Variants in NPTXR observed in about 807,000 individuals in gnomAD.
NPTXR encodes the protein neuronal pentraxin receptor.
A neutral mutation model predicts 32.2 loss-of-function variants in NPTXR; 12 were observed. The observed-to-expected ratio is 0.37, with a 90% CI of 0.24 to 0.60. NPTXR has a LOEUF of 0.60. Ranked by LOEUF, NPTXR falls within the 20% of genes least tolerant of loss-of-function variation. The pLI, the probability that NPTXR is intolerant of heterozygous loss-of-function variation, is 0.66. For synonymous variants in NPTXR, 323 were observed against 315.8 expected, an observed-to-expected ratio of 1.02 and a Z score of -0.24; for missense variants, 612 against 682.9, an observed-to-expected ratio of 0.90 and a Z score of 1.16.
At chr22:38,830,006 A>T (rs1232341575) in intron 1 of NPTXR, among the ~76,000 whole-genome samples, 1 of 152,064 alleles carries the variant, frequency 6.6e-6, no homozygotes, top group Non-Finnish European at 1.5e-5. Context: ...ACTCCTCCTT[A>T]ACTTCTCTGA....
chr22:38,837,882 G>A (rs749227059), intron 1 of NPTXR, among the ~76,000 whole-genome samples: 5 of 63,252 alleles, frequency 7.9e-5, no homozygotes, highest in Non-Finnish European at 1.8e-4. Flanking sequence ...TTGAGACAGA[G>A]TTTCGCTCTG....
intron 1 of NPTXR, among the ~76,000 whole-genome samples, chr22:38,841,743 T>G (rs763593456): frequency 1.9e-4 from 29 of 152,342 alleles, no homozygotes; most frequent in Admixed American, 5.2e-4. Flanking sequence ...AAGTACTTAA[T>G]CCTCCTAATA....
chr22:38,841,147 C>T (rs2093131048), intron 1 of NPTXR, among the ~76,000 whole-genome samples: 1 of 152,212 alleles, frequency 6.6e-6, no homozygotes, highest in African/African-American at 2.4e-5. Context: ...AGTGGTCTCA[C>T]CCTGTGTCTG....
chr22:38,833,770 G>A (rs2093119979), intron 1 of NPTXR, among the ~76,000 whole-genome samples: 1 of 151,974 alleles, frequency 6.6e-6, no homozygotes, highest in African/African-American at 2.4e-5. Flanking sequence ...CGCCCCCCTG[G>A]GGTTCACGCC....
At chr22:38,829,906 C>T (rs1568985136) in intron 1 of NPTXR, among the ~76,000 whole-genome samples, 1 of 152,216 alleles carries the variant, frequency 6.6e-6, no homozygotes, top group Non-Finnish European at 1.5e-5. Flanking sequence ...ACTGGCCCAG[C>T]CAATGGCCTT....
At position 38,822,740 on chromosome 22, in the gene NPTXR, C is replaced by T; in HGVS notation, c.1372G>A (p.Val458Ile). 1.2e-6 allele frequency: 2 copies of T among 1,614,194 alleles called. No individual in the cohort carries two copies. The highest frequency in any genetic ancestry group is 1.1e-5 in the South Asian group (1 of 91,084). Residue 458 changes from valine (V) to isoleucine (I), a missense_variant, in exon 5 of 5, where the codon GTC (valine) becomes ATC (isoleucine). By Grantham distance (29) the Val-to-Ile change is conservative (BLOSUM62 3). Transcript: ENST00000333039. ...GCAGTGCAGTTGGCAATGCCCAGGA[C>T]CTGGGCTGGTGTCAGGGCGTGGTCC...
At chr22:38,842,107 C>T (rs1398683742) in intron 1 of NPTXR, among the ~76,000 whole-genome samples, 2 of 152,234 alleles carry the variant, frequency 1.3e-5, no homozygotes, top group Admixed American at 1.3e-4. Flanking sequence ...TGTGAGTGGG[C>T]ATCACCAGTG....
At chr22:38,842,778 C>T (rs1052925594) in intron 1 of NPTXR, among the ~76,000 whole-genome samples, 1 of 152,156 alleles carries the variant, frequency 6.6e-6, no homozygotes, top group Admixed American at 6.5e-5. Flanking sequence ...GGGAGGACCC[C>T]AAGTCCTTTG....
intron 1 of NPTXR, among the ~76,000 whole-genome samples, chr22:38,832,100 G>A (rs1001826310): frequency 1.1e-4 from 16 of 152,210 alleles, no homozygotes; most frequent in East Asian, 7.7e-4. Context: ...AGGAGAAAAC[G>A]TGCGGGCTGA....
Position 38,822,473 on chromosome 22 carries a change from T to C in NPTXR, c.*136A>G. The C allele has an allele frequency of 1.4e-6, 1 of 722,742 alleles. No homozygotes were observed. The highest frequency in any genetic ancestry group is 2.4e-6 in the Non-Finnish European group (1 of 421,410). The allele number at this position is 722,742 out of a possible 1,614,324, so 44.8% of individuals were successfully genotyped here. A position where few individuals can be genotyped will look rare whatever the true frequency, so the allele number is the denominator to read the frequency against. On this transcript the variant is annotated 3_prime_UTR_variant, in exon 5 of 5. Transcript: ENST00000333039. ...GGCATTCTGGAGGTGTGGGTACAGG[T>C]GAGGGGAAATGGGAGGCACAGCCAG...
chr22:38,843,999 T>C lies in NPTXR; in HGVS notation c.-141A>G. On this transcript the variant is annotated 5_prime_UTR_variant, in exon 1 of 5. Coordinates refer to ENST00000333039, the MANE Select transcript of NPTXR (RefSeq NM_014293.4). The surrounding 1 kb of genome is among the most constrained non-coding windows in gnomAD (Gnocchi z 5.3). Reference sequence around the variant, plus strand: ...CCGGAGCCGGAGCCGGAGCTGGAGCTGTCGCCGCGGCCGCTGCTGCCGCCG... The same window carrying C: ...CCGGAGCCGGAGCCGGAGCTGGAGCCGTCGCCGCGGCCGCTGCTGCCGCCG... 1 of 298,240 alleles carries C rather than the reference T, an allele frequency of 3.4e-6. No homozygotes were observed. The highest frequency in any genetic ancestry group is 4.9e-6 in the Non-Finnish European group (1 of 204,494). 18.5% of individuals were successfully genotyped at this position (298,240 alleles called of 1,614,324 possible). A position where few individuals can be genotyped will look rare whatever the true frequency, so the allele number is the denominator to read the frequency against.
In NPTXR at chr22:38,832,822, G is replaced by A. The variant is rs868054212; in HGVS notation, c.625-4310C>T. 7.9e-5 allele frequency among the ~76,000 whole-genome samples: 12 copies of A among 152,022 alleles called. 1 individual carries two copies. In the South Asian group the frequency reaches 2.1e-3, roughly 26 times the overall value. ...TGATCTGCCAAGTGGGCACAGTGCTGGTTGCCCTGCCTAACTCGAAGGCAA... is the reference window on the plus strand; with the variant it reads ...TGATCTGCCAAGTGGGCACAGTGCTAGTTGCCCTGCCTAACTCGAAGGCAA... On this transcript the variant is annotated intron_variant, in intron 1 of 4. Coordinates refer to ENST00000333039, the MANE Select transcript of NPTXR (RefSeq NM_014293.4).
At chr22:38,829,308 G>A (rs1242488463) in intron 1 of NPTXR, among the ~76,000 whole-genome samples, 7 of 152,124 alleles carry the variant, frequency 4.6e-5, no homozygotes, top group African/African-American at 7.2e-5. Context: ...CCCGGGATGA[G>A]GTCTAAGTGT....
chr22:38,825,919 T>A (rs2093105809), intron 3 of NPTXR, among the ~76,000 whole-genome samples: 1 of 150,416 alleles, frequency 6.6e-6, no homozygotes, highest in Admixed American at 6.7e-5. Flanking sequence ...CTTAGCTCAC[T>A]GCAAGCTCTG....
chr22:38,832,783 CTG>C (rs1270422122), intron 1 of NPTXR, among the ~76,000 whole-genome samples: 4 of 152,224 alleles, frequency 2.6e-5, no homozygotes, highest in Non-Finnish European at 5.9e-5. Context: ...CACTGATGGT[CTG>C]GGTCTGTTGG....
chr22:38,841,399 C>T (rs1006315195), intron 1 of NPTXR, among the ~76,000 whole-genome samples: 4 of 152,248 alleles, frequency 2.6e-5, no homozygotes, highest in South Asian at 2.1e-4. Flanking sequence ...GCGGGCTAAC[C>T]GGAAGGGAGG....
chr22:38,822,865 G>T, intron 4 of NPTXR, 32 bp from the exon 5 acceptor site: 2 of 1,589,478 alleles, frequency 1.3e-6, no homozygotes, highest in Non-Finnish European at 1.7e-6. Flanking sequence ...GAAAGGAGAG[G>T]CATGGAGTGA....
intron 1 of NPTXR, among the ~76,000 whole-genome samples, chr22:38,829,356 C>A (rs148090603): frequency 0.012 from 1,876 of 152,228 alleles, 21 homozygotes; most frequent in Admixed American, 0.02. Flanking sequence ...TATCTTAAGA[C>A]CCCAAGGGCA....
Position 38,825,828 on chromosome 22 carries a change from T to TTC in NPTXR, c.1098+670_1098+671dup, listed in dbSNP as rs1028369767. ...CCCCAGGTAGGTCTGTGCACCTCCC[T>TTC]TCTCTCTCTCTCTTTTTTTTTTTTT... is the stretch of plus-strand genomic sequence containing the variant. On this transcript the variant is annotated intron_variant, in intron 3 of 4. Transcript: ENST00000333039. Among the ~76,000 whole-genome samples, 920 of 143,282 alleles carry TTC rather than the reference T, an allele frequency of 6.4e-3. 129 individuals are homozygous for TTC. The highest frequency in any genetic ancestry group is 0.036 in the Middle Eastern group (10 of 278). 94.0% of individuals were successfully genotyped at this position (143,282 alleles called of 152,430 possible). A position where few individuals can be genotyped will look rare whatever the true frequency, so the allele number is the denominator to read the frequency against.
Sources: gnomAD v4.1 joint callset for allele counts (sites outside exome capture counted in the v4.1 genomes callset) on GRCh38, gnomAD v4.1.1 for gene constraint, Gnocchi (gnomAD v3.1) non-coding constraint, MANE v1.5 for transcripts, NCBI Gene and HGNC (gene_info 2026-07-23, HGNC 2026-07-21) for gene names.